Variants in GLYATL1 observed in about 807,000 individuals in gnomAD.
The protein encoded by GLYATL1 is glycine-N-acyltransferase like 1.
Under a neutral mutation model 20.0 loss-of-function variants are expected in GLYATL1, and 15 were observed. The observed-to-expected ratio is 0.75, with a 90% confidence interval of 0.50 to 1.15. The LOEUF is 1.15. GLYATL1 is among the 50% of genes most tolerant of loss of function. The pLI is 0.00. For missense variants in GLYATL1, 380 were observed against 368.5 expected, an observed-to-expected ratio of 1.03 and a Z score of -0.26; for synonymous variants, 151 against 131.5, an observed-to-expected ratio of 1.15 and a Z score of -1.01.
chr11:58,929,365 A>G (rs1855518829), intron 1 of GLYATL1, among the ~76,000 whole-genome samples: 1 of 152,220 alleles, frequency 6.6e-6, no homozygotes, highest in Admixed American at 6.5e-5. Flanking sequence ...AGATGATTCT[A>G]TGTATATATA....
At position 58,907,479 on chromosome 11, in the gene GLYATL1, G is replaced by GTTTTGT. The variant is rs35731745; in HGVS notation, n.480_481insTGTTTT. 215 of 389,818 alleles carry GTTTTGT rather than the reference G, an allele frequency of 5.5e-4. 2 individuals carry two copies. Among genetic ancestry groups the GTTTTGT allele is most frequent in the Middle Eastern group, 3.3e-3 (8 of 2,412 alleles). The allele number at this position is 389,818 out of a possible 1,614,324, so 24.1% of individuals were successfully genotyped here. A position where few individuals can be genotyped will look rare whatever the true frequency, so the allele number is the denominator to read the frequency against. On this transcript the variant is annotated non_coding_transcript_exon_variant, in exon 2 of 2. Coordinates refer to the GLYATL1 transcript ENST00000524629. Reference sequence around the variant, plus strand: ...TATTTCATGTATTTCGCTCTTTTTTGTTTGTTTTGTTTTGTTTTGTTTTCA... The same window carrying GTTTTGT: ...TATTTCATGTATTTCGCTCTTTTTTGTTTTGTTTTGTTTTGTTTTGTTTTGTTTTCA...
chr11:58,925,914 T>C (rs1657104672), upstream of GLYATL1, among the ~76,000 whole-genome samples: 1 of 152,166 alleles, frequency 6.6e-6, no homozygotes, highest in South Asian at 2.1e-4. Flanking sequence ...ATTGTTGAAA[T>C]TGTCAGCTGG....
At chr11:58,933,935 T>G in intron 1 of GLYATL1, 1 of 152,708 alleles carries the variant, frequency 6.5e-6, no homozygotes, top group Non-Finnish European at 1.5e-5. Flanking sequence ...GGGGTGGATC[T>G]TTTCATTGGG....
chr11:58,912,201 G>A (rs1169602007), downstream of GLYATL1, among the ~76,000 whole-genome samples: 1 of 152,186 alleles, frequency 6.6e-6, no homozygotes, highest in African/African-American at 2.4e-5. Context: ...AGGTACAGCA[G>A]GGATTGGGGT....
Position 58,955,852 on chromosome 11 carries a change from C to A in GLYATL1, c.734C>A (p.Ala245Glu), listed in dbSNP as rs766273011. Residue 245 changes from alanine to glutamate, a missense_variant, in exon 7 of 7, where the codon GCA becomes GAA. Transcript: ENST00000532726. The stretch of plus-strand genomic sequence containing the variant: ...AAATACCGAAGGACAGGCAACATGG[C>A]ACGAGTGATGGTGCGATACATGAAA... ...MEKYRRTGNM[A>E]RVMVRYMKYL... is the part of the protein sequence containing the mutation. 3 of 1,614,186 alleles carry A rather than the reference C, an allele frequency of 1.9e-6. No homozygotes were observed. The highest frequency in any genetic ancestry group is 2.2e-5 in the South Asian group (2 of 91,084).
intron 1 of GLYATL1, chr11:58,905,682 G>A (rs926817780): frequency 1.8e-5 from 8 of 453,274 alleles, no homozygotes; most frequent in Non-Finnish European, 3.5e-5. Context: ...ACTGGCTGTG[G>A]ACCGAGTGGT....
At chr11:58,937,094 C>T (rs1391325513), upstream of GLYATL1, among the ~76,000 whole-genome samples, 1 of 152,186 alleles carries the variant, frequency 6.6e-6, no homozygotes, top group Non-Finnish European at 1.5e-5. Context: ...CCATAAAGAA[C>T]CTGTGTTTAC....
At chr11:58,954,984 A>C (rs953609031) in intron 5 of GLYATL1, 88 bp downstream of exon 5, 1 of 1,393,656 alleles carries the variant, frequency 7.2e-7, no homozygotes, top group African/African-American at 1.5e-5. Context: ...AGGGCTCATT[A>C]GAAATGTAAA....
At chr11:58,919,823 G>A (rs1855265383) in intron 1 of GLYATL1, among the ~76,000 whole-genome samples, 1 of 152,182 alleles carries the variant, frequency 6.6e-6, no homozygotes, top group African/African-American at 2.4e-5. Flanking sequence ...ATGGCAGTGA[G>A]CCATGGCACA....
intron 1 of GLYATL1, among the ~76,000 whole-genome samples, chr11:58,916,725 AC>A (rs1855181560): frequency 6.6e-6 from 1 of 152,252 alleles, no homozygotes; most frequent in East Asian, 1.9e-4. Context: ...GGTCTTGACT[AC>A]AAGTTGTCCT....
At chr11:58,929,507 G>A (rs560837279) in intron 1 of GLYATL1, among the ~76,000 whole-genome samples, 1 of 151,924 alleles carries the variant, frequency 6.6e-6, no homozygotes, top group East Asian at 1.9e-4. Context: ...TTCTTTTTTT[G>A]TAATGTTTCA....
At chr11:58,912,478 G>T (rs901874842), downstream of GLYATL1, among the ~76,000 whole-genome samples, 7 of 152,080 alleles carry the variant, frequency 4.6e-5, no homozygotes, top group African/African-American at 1.7e-4. Flanking sequence ...AATCCTCAAA[G>T]GATAAACCTC....
At position 58,953,942 on chromosome 11, in the gene GLYATL1, G is replaced by A. The variant is rs548931728; in HGVS notation, c.187-828G>A. Among the ~76,000 whole-genome samples, 6 of 152,218 alleles carry A rather than the reference G, an allele frequency of 3.9e-5. No individual in the cohort carries two copies. The South Asian group carries it at 1.0e-3, about 26-fold the overall frequency. ...TTCTGTCATGCCAGAATGGGATCAC[G>A]AGTCTCTTTCTTTCAAACCCAAGAG... On this transcript the variant is annotated intron_variant, in intron 4 of 6. Coordinates refer to ENST00000532726, the MANE Select transcript of GLYATL1 (RefSeq NM_001389712.2).
Position 58,954,838 on chromosome 11 carries a change from A to C in GLYATL1, c.255A>C (p.Ser85=). The C allele has an allele frequency of 6.2e-7, 1 of 1,613,060 alleles. No individual in the cohort carries two copies. Among genetic ancestry groups the C allele is most frequent in the Non-Finnish European group, 8.5e-7 (1 of 1,179,384 alleles). The change falls in exon 5 of 7, where the codon TCA becomes TCC. Residue 85 remains serine (S), a synonymous_variant. Transcript: ENST00000532726. Reference sequence around the variant, plus strand: ...TGTTCTCCAAAGAGCCTCAAAAATCAGAAGAAGTTTTGAAAAATTGTGAGA... The same window carrying C: ...TGTTCTCCAAAGAGCCTCAAAAATCCGAAGAAGTTTTGAAAAATTGTGAGA... The part of the protein sequence containing the change: ...YRMFSKEPQK[S]EEVLKNCEIV...
At chr11:58,929,393 A>C (rs1855519486) in intron 1 of GLYATL1, among the ~76,000 whole-genome samples, 1 of 152,208 alleles carries the variant, frequency 6.6e-6, no homozygotes, top group Non-Finnish European at 1.5e-5. Flanking sequence ...TAATTATTCT[A>C]ATTGGCTTAT....
At chr11:58,932,300 A>G (rs1338925973) in intron 1 of GLYATL1, among the ~76,000 whole-genome samples, 1 of 152,150 alleles carries the variant, frequency 6.6e-6, no homozygotes, top group East Asian at 1.9e-4. Flanking sequence ...TGATGAAGAC[A>G]TAGAATAATG....
downstream of GLYATL1, among the ~76,000 whole-genome samples, chr11:58,910,019 T>A (rs190989849): frequency 6.6e-6 from 1 of 152,314 alleles, no homozygotes; most frequent in East Asian, 1.9e-4. Context: ...AATGAGTCTA[T>A]CCTGGTTTTC....
At chr11:58,938,211 A>G (rs1855922562), upstream of GLYATL1, among the ~76,000 whole-genome samples, 1 of 152,194 alleles carries the variant, frequency 6.6e-6, no homozygotes, top group South Asian at 2.1e-4. Context: ...TGTGTTCTCC[A>G]TTCTGTCTGT....
intron 1 of GLYATL1, among the ~76,000 whole-genome samples, chr11:58,917,913 G>A (rs950979417): frequency 2.0e-5 from 3 of 152,156 alleles, no homozygotes; most frequent in African/African-American, 7.2e-5. Flanking sequence ...CTGCCTTTGG[G>A]ATGATTCAGC....
Sources: allele counts gnomAD v4.1 joint callset (sites outside exome capture counted in the v4.1 genomes callset), GRCh38; gene constraint gnomAD v4.1.1; transcripts MANE v1.5; gene names NCBI Gene and HGNC (gene_info 2026-07-23, HGNC 2026-07-21).